CECR2: variants seen among roughly 807,000 people sequenced by gnomAD.
CECR2 encodes CECR2 histone acetyl-lysine reader.
A neutral mutation model predicts 154.5 loss-of-function variants in CECR2; 30 were observed. The ratio of observed to expected loss-of-function variants is 0.19; its 90% CI spans 0.15 to 0.26. CECR2 has a LOEUF of 0.26. Among genes scored for constraint, CECR2 ranks in the 10% least tolerant of loss-of-function variants. CECR2 has a pLI of 1.00. For synonymous variants in CECR2, 725 were observed against 683.7 expected (o/e 1.06, Z -0.94); for missense variants, 1,743 against 1,829.3 (o/e 0.95, Z 0.86).
chr22:17,407,099 T>C lies in CECR2; in HGVS notation c.126+37190T>C, dbSNP rs546373621. Among the ~76,000 whole-genome samples the C allele has an allele frequency of 2.2e-3, 339 of 152,370 alleles. 2 individuals are homozygous for C. The highest frequency in any genetic ancestry group is 2.2e-3 in the Non-Finnish European group (153 of 68,030). ...TATTAGCCGTGTTCTTGAAGTTTAA[T>C]GGGAAGCTTTTATACCAATACTTTC... On this transcript the variant is annotated intron_variant, in intron 1 of 18. Transcript: ENST00000262608.
chr22:17,379,129 G>A (rs1050347632), intron 1 of CECR2, among the ~76,000 whole-genome samples: 4 of 151,986 alleles, frequency 2.6e-5, no homozygotes, highest in African/African-American at 9.7e-5. Flanking sequence ...GCTAATTTTT[G>A]TATTTTTAGT....
At chr22:17,391,171 A>G (rs1239670694) in intron 1 of CECR2, among the ~76,000 whole-genome samples, 1 of 152,240 alleles carries the variant, frequency 6.6e-6, no homozygotes, top group Non-Finnish European at 1.5e-5. Flanking sequence ...ATTTAGGAAA[A>G]TTAACAGTAA....
Position 17,556,080 on chromosome 22 carries a change from G to A in CECR2, c.*3240G>A, listed in dbSNP as rs1389070004. 2 of 152,176 alleles carry A rather than the reference G, an allele frequency of 1.3e-5. No homozygotes were observed. The highest frequency in any genetic ancestry group is 2.1e-4 in the South Asian group (1 of 4,828). The allele number at this position is 152,176 out of a possible 1,614,324, so 9.4% of individuals were successfully genotyped here. On this transcript the variant is annotated 3_prime_UTR_variant, in exon 19 of 19. Coordinates refer to ENST00000262608, the MANE Select transcript of CECR2 (RefSeq NM_001290047.2). Reference sequence around the variant, plus strand: ...CTGAAATTTGTTACAGTGAATGAATGTGGAGAATAAATAAGAACAAACCCT... The same window carrying A: ...CTGAAATTTGTTACAGTGAATGAATATGGAGAATAAATAAGAACAAACCCT...
At chr22:17,545,749 A>G (rs1425795519) in intron 16 of CECR2, among the ~76,000 whole-genome samples, 1 of 151,134 alleles carries the variant, frequency 6.6e-6, no homozygotes, top group Non-Finnish European at 1.5e-5. Flanking sequence ...AGGCTGAGGC[A>G]GGAGAATCGC....
chr22:17,537,887 G>A (rs919744961), intron 10 of CECR2, among the ~76,000 whole-genome samples: 5 of 152,070 alleles, frequency 3.3e-5, no homozygotes, highest in South Asian at 2.1e-4. Flanking sequence ...CCAGCTACTC[G>A]GGAGGCTGAG....
At chr22:17,541,107 T>C (rs5992732) in intron 14 of CECR2, among the ~76,000 whole-genome samples, 21,758 of 152,166 alleles carry the variant, frequency 0.14, 3,055 homozygotes, top group African/African-American at 0.37. Context: ...AAATCCTCCT[T>C]TTTCTCAATC....
intron 2 of CECR2, among the ~76,000 whole-genome samples, chr22:17,483,334 A>T (rs2055361903): frequency 6.6e-6 from 1 of 152,198 alleles, no homozygotes; most frequent in South Asian, 2.1e-4. Context: ...ATGAGGTGAG[A>T]GGACGGTTTG....
At chr22:17,422,096 T>G (rs1024068744) in intron 1 of CECR2, among the ~76,000 whole-genome samples, 10 of 150,514 alleles carry the variant, frequency 6.6e-5, no homozygotes, top group Admixed American at 6.6e-4. Context: ...AGAGAAGGTG[T>G]TTTTTTTTCC....
intron 1 of CECR2, among the ~76,000 whole-genome samples, chr22:17,468,838 A>T (rs1362238673): frequency 1.3e-5 from 2 of 152,174 alleles, no homozygotes; most frequent in African/African-American, 4.8e-5. Context: ...TATTTCTCGT[A>T]GTTCTTCAGA....
At chr22:17,433,191 C>T (rs941403374) in intron 1 of CECR2, among the ~76,000 whole-genome samples, 5 of 152,110 alleles carry the variant, frequency 3.3e-5, no homozygotes, top group Admixed American at 6.5e-5. Context: ...GTGTGAAGGC[C>T]TCATATTGCT....
chr22:17,382,183 C>T (rs530925095), intron 1 of CECR2, among the ~76,000 whole-genome samples: 47 of 152,204 alleles, frequency 3.1e-4, no homozygotes, highest in Non-Finnish European at 5.9e-4. Context: ...AGCCACTGTG[C>T]CCGGCCAGAG....
intron 1 of CECR2, among the ~76,000 whole-genome samples, chr22:17,392,020 T>G (rs2063331207): frequency 6.6e-6 from 1 of 152,192 alleles, no homozygotes; most frequent in Non-Finnish European, 1.5e-5. Flanking sequence ...CAGGCTGGTC[T>G]CGAACTCTCG....
At position 17,548,367 on chromosome 22, in the gene CECR2, C is replaced by T. The variant is rs574553165; in HGVS notation, c.3080C>T (p.Ser1027Leu). The T allele has an allele frequency of 3.1e-6, 5 of 1,612,786 alleles. No individual in the cohort carries two copies. The highest frequency in any genetic ancestry group is 2.2e-5 in the South Asian group (2 of 90,806). ...KAMKGKNPWP[S>L]DSSYPGPAAQ... ...ATGAAGGGCAAGAATCCCTGGCCCT[C>T]GGATAGCAGCTACCCCGGCCCAGCC... is the stretch of plus-strand genomic sequence containing the variant. Residue 1027 changes from serine (S) to leucine (L), a missense_variant, in exon 17 of 19, where the codon TCG (serine) becomes TTG (leucine). Around this residue, in one of 4 missense-constraint regions of CECR2, gnomAD observed 1,250 missense variants for 1,192.1 expected, o/e 1.05. Transcript: ENST00000262608.
intron 1 of CECR2, among the ~76,000 whole-genome samples, chr22:17,380,151 C>G (rs754817174): frequency 1.3e-5 from 2 of 152,088 alleles, no homozygotes; most frequent in Non-Finnish European, 2.9e-5. Flanking sequence ...GAATTTCTGG[C>G]TTGCAGCAAG....
At chr22:17,503,276 C>G in intron 6 of CECR2, 145 bp downstream of exon 6, 2 of 664,996 alleles carry the variant, frequency 3.0e-6, no homozygotes. Context: ...TTCAGTTCTC[C>G]TCCTCACACC....
chr22:17,518,029 G>T (rs528325606), intron 8 of CECR2, among the ~76,000 whole-genome samples: 2 of 152,236 alleles, frequency 1.3e-5, no homozygotes, highest in East Asian at 3.9e-4. Flanking sequence ...CTGGGGAGAT[G>T]GTGTTCCTTG....
At chr22:17,505,121 T>C (rs1212661597) in intron 7 of CECR2, 105 bp downstream of exon 7, 9 of 1,113,440 alleles carry the variant, frequency 8.1e-6, no homozygotes, top group Non-Finnish European at 1.0e-5. Flanking sequence ...GTCCTGGAAA[T>C]AGTGCAGTCT....
intron 1 of CECR2, among the ~76,000 whole-genome samples, chr22:17,461,757 A>T (rs572138031): frequency 1.3e-5 from 2 of 152,020 alleles, no homozygotes; most frequent in East Asian, 1.9e-4. Flanking sequence ...ACAACAGAAG[A>T]AACAACATGA....
intron 16 of CECR2, among the ~76,000 whole-genome samples, chr22:17,544,813 A>T (rs1040859380): frequency 2.1e-5 from 3 of 140,972 alleles, no homozygotes; most frequent in African/African-American, 8.5e-5. Flanking sequence ...CTGTCTCAAA[A>T]AAAAAAAAAA....
Sources: gnomAD v4.1 joint callset for allele counts (sites outside exome capture counted in the v4.1 genomes callset) on GRCh38, gnomAD v4.1.1 for gene constraint, gnomAD v4.1.1 regional missense constraint, MANE v1.5 for transcripts, NCBI Gene and HGNC (gene_info 2026-07-23, HGNC 2026-07-21) for gene names.